The following EYS variants were observed in gnomAD, a reference collection of about 807,000 sequenced individuals.
EYS encodes the protein EGF-like photoreceptor maintenance factor.
EYS carries 250 observed loss-of-function variants against 282.1 expected under a neutral mutation model. The ratio of observed to expected loss-of-function variants is 0.89; its 90% confidence interval spans 0.80 to 0.98. The LOEUF (loss-of-function observed/expected upper bound fraction) is 0.98. EYS is among the 50% of genes least tolerant of loss of function. EYS has a pLI of 0.00. For synonymous variants in EYS, 1,355 were observed against 1,282.9 expected (o/e 1.06, Z -1.20); for missense variants, 4,016 against 3,709.0 (o/e 1.08, Z -2.15).
At chr6:63,861,185 A>G (rs1338386264) in intron 36 of EYS, among the ~76,000 whole-genome samples, 1 of 152,176 alleles carries the variant, frequency 6.6e-6, no homozygotes, top group Non-Finnish European at 1.5e-5. Flanking sequence ...CCTACAAAAG[A>G]AGCTGTTATG....
At chr6:64,553,064 T>C (rs1431851716) in intron 26 of EYS, among the ~76,000 whole-genome samples, 1 of 152,172 alleles carries the variant, frequency 6.6e-6, no homozygotes, top group Non-Finnish European at 1.5e-5. Flanking sequence ...GATTGATGTC[T>C]TATGTCTCCC....
At chr6:64,850,566 A>T (rs765234264) in intron 19 of EYS, among the ~76,000 whole-genome samples, 5 of 152,114 alleles carry the variant, frequency 3.3e-5, no homozygotes, top group Admixed American at 1.3e-4. Flanking sequence ...GGAGGAATTA[A>T]ACAGCTAGAA....
chr6:64,516,864 T>C (rs1777576373), intron 26 of EYS, among the ~76,000 whole-genome samples: 1 of 151,802 alleles, frequency 6.6e-6, no homozygotes, highest in East Asian at 1.9e-4. Context: ...TTTAATTTAA[T>C]TGTAGAAAAA....
chr6:63,929,683 T>C (rs1047850007), intron 35 of EYS, among the ~76,000 whole-genome samples: 3 of 152,166 alleles, frequency 2.0e-5, no homozygotes, highest in African/African-American at 7.2e-5. Flanking sequence ...AAGTAACACG[T>C]TCACAGGGTA....
intron 31 of EYS, among the ~76,000 whole-genome samples, chr6:64,126,289 G>C (rs1264137764): frequency 1.3e-5 from 2 of 149,482 alleles, no homozygotes; most frequent in Non-Finnish European, 3.0e-5. Context: ...CAATAGCGAA[G>C]ACTTGGAACC....
intron 36 of EYS, among the ~76,000 whole-genome samples, chr6:63,838,732 C>A (rs550207066): frequency 7.2e-5 from 11 of 152,254 alleles, no homozygotes; most frequent in African/African-American, 2.6e-4. Flanking sequence ...GTAGGCCTCT[C>A]TTGGCTTCTG....
chr6:65,244,550 T>A (rs1002535423), intron 12 of EYS, among the ~76,000 whole-genome samples: 7 of 152,138 alleles, frequency 4.6e-5, no homozygotes, highest in African/African-American at 1.7e-4. Context: ...TCTCGCTCTG[T>A]CGCCCAGACT....
At chr6:63,888,492 G>C (rs7739741) in intron 35 of EYS, among the ~76,000 whole-genome samples, 17,889 of 152,236 alleles carry the variant, frequency 0.12, 1,285 homozygotes, top group African/African-American at 0.19. Context: ...GATACCCAGG[G>C]AAACAAGGTC....
chr6:64,131,431 T>C (rs1023862990), intron 31 of EYS, among the ~76,000 whole-genome samples: 3 of 152,136 alleles, frequency 2.0e-5, no homozygotes, highest in Non-Finnish European at 4.4e-5. Context: ...GGAGGCAGGA[T>C]TGGAATCCAA....
At chr6:65,442,922 GTACATATATGTATATACGTATA>G (rs1768415959) in intron 5 of EYS, among the ~76,000 whole-genome samples, 1 of 99,130 alleles carries the variant, frequency 1.0e-5, no homozygotes, top group African/African-American at 2.7e-5. Context: ...ACATACATAT[GTACATATATGTATATACGTATA>G]TACATGCACA....
At chr6:65,125,050 A>G (rs548131227) in intron 12 of EYS, among the ~76,000 whole-genome samples, 105 of 152,326 alleles carry the variant, frequency 6.9e-4, no homozygotes, top group African/African-American at 2.3e-3. Context: ...AACACTTTGA[A>G]CAACTAGGAA....
intron 35 of EYS, among the ~76,000 whole-genome samples, chr6:63,972,931 C>A (rs1477077139): frequency 2.6e-5 from 4 of 152,088 alleles, no homozygotes; most frequent in Admixed American, 6.6e-5. Flanking sequence ...TTTATCCAGT[C>A]TATCATTGAT....
At chr6:63,751,446 G>C (rs990534113) in intron 41 of EYS, among the ~76,000 whole-genome samples, 16 of 151,982 alleles carry the variant, frequency 1.1e-4, no homozygotes, top group African/African-American at 2.4e-5. Flanking sequence ...TTTGCCTTTT[G>C]GTCTATGGAT....
chr6:64,600,791 T>C (rs1294095991), intron 24 of EYS, among the ~76,000 whole-genome samples: 2 of 152,108 alleles, frequency 1.3e-5, no homozygotes, highest in Non-Finnish European at 2.9e-5. Flanking sequence ...AAGAGAAACA[T>C]ATTGAAAACA....
rs1554201272 is a variant in EYS, at chr6:64,766,649, A to ATATATATATATAT, written c.3443+46728_3443+46729insATATATATATATA. Among the ~76,000 whole-genome samples the ATATATATATATAT allele has an allele frequency of 1.9e-3, 37 of 19,054 alleles. 1 individual carries two copies. The highest frequency in any genetic ancestry group is 2.8e-3 in the Non-Finnish European group (27 of 9,716). 12.5% of individuals were successfully genotyped at this position (19,054 alleles called of 152,430 possible). On this transcript the variant is annotated intron_variant, in intron 22 of 42. Transcript: ENST00000503581. ...TCCGTCTCAAAAAAAAAAAAAAAAA[A>ATATATATATATAT]ATATATATATATATATATATATATA... is the stretch of plus-strand genomic sequence containing the variant.
intron 29 of EYS, among the ~76,000 whole-genome samples, chr6:64,378,319 T>C (rs1462359768): frequency 6.6e-6 from 1 of 152,120 alleles, no homozygotes; most frequent in Non-Finnish European, 1.5e-5. Flanking sequence ...AATATAAAAA[T>C]AAAACATGGT....
rs1044340397 is a variant in EYS at position 64,033,860 on chromosome 6, A to G, written c.6725+32478T>C. Among the ~76,000 whole-genome samples the G allele has an allele frequency of 7.9e-5, 12 of 152,092 alleles. No homozygotes were observed. In the South Asian group the frequency reaches 1.5e-3, roughly 18 times the overall value. On this transcript the variant is annotated intron_variant, in intron 33 of 42. Coordinates refer to ENST00000503581, the MANE Select transcript of EYS (RefSeq NM_001142800.2). ...TCTCTCTCTCTCTATATATATATAT[A>G]TAAAATTGGGAGTGGACTTACATTG...
chr6:64,310,649 C>A (rs551466538), intron 29 of EYS, among the ~76,000 whole-genome samples: 9 of 152,198 alleles, frequency 5.9e-5, no homozygotes, highest in African/African-American at 1.7e-4. Flanking sequence ...AGGCTTAATA[C>A]CTCAATGATG....
intron 1 of EYS, among the ~76,000 whole-genome samples, chr6:65,663,872 T>C (rs1026189799): frequency 1.4e-5 from 2 of 138,022 alleles, no homozygotes; most frequent in African/African-American, 5.4e-5. Flanking sequence ...TTTTCTTTTT[T>C]TTTTTTTTTT....
Sources: allele counts gnomAD v4.1 joint callset (sites outside exome capture counted in the v4.1 genomes callset), GRCh38; gene constraint gnomAD v4.1.1; transcripts MANE v1.5; gene names NCBI Gene and HGNC (gene_info 2026-07-23, HGNC 2026-07-21).